PLPP4: variants seen among roughly 807,000 people sequenced by gnomAD.
The protein encoded by PLPP4 is diacylglycerol pyrophosphate like 2.
Under a neutral mutation model 32.2 loss-of-function variants are expected in PLPP4, and 20 were observed. The ratio of observed to expected loss-of-function variants is 0.62; its 90% CI spans 0.44 to 0.90. The LOEUF (loss-of-function observed/expected upper bound fraction) is 0.90, where lower values mean the gene tolerates loss of function less well. PLPP4 is among the 40% of genes least tolerant of loss of function. The probability of loss-of-function intolerance (pLI) is 0.00; values close to 1 mark genes in which losing one functional copy is unlikely to be tolerated. For missense variants in PLPP4, 257 were observed against 353.1 expected (o/e 0.73, Z 2.18); for synonymous variants, 127 against 133.0 (o/e 0.95, Z 0.31).
intron 1 of PLPP4, among the ~76,000 whole-genome samples, chr10:120,493,021 A>G (rs1057237470): frequency 1.4e-4 from 21 of 152,194 alleles, no homozygotes; most frequent in African/African-American, 5.1e-4. Flanking sequence ...TCTTCTACAT[A>G]TCCATGTCAT....
At chr10:120,457,464 G>A (rs1589695064) in intron 1 of PLPP4, 103 bp downstream of exon 1, 15 of 1,068,238 alleles carry the variant, frequency 1.4e-5, no homozygotes, top group African/African-American at 3.2e-5. Context: ...TCCCACTGGG[G>A]CCTGGGTTCG....
At chr10:120,495,794 G>A (rs547421231) in intron 1 of PLPP4, among the ~76,000 whole-genome samples, 1 of 152,256 alleles carries the variant, frequency 6.6e-6, no homozygotes, top group East Asian at 1.9e-4. Flanking sequence ...TAAAGAAGGT[G>A]GGGCAGCCTT....
At chr10:120,560,910 G>A (rs915761682) in intron 5 of PLPP4, among the ~76,000 whole-genome samples, 6 of 152,164 alleles carry the variant, frequency 3.9e-5, no homozygotes, top group Non-Finnish European at 7.3e-5. Context: ...ATTTTGGGGG[G>A]AGTCGAAAGT....
chr10:120,535,143 A>C (rs1846954983), intron 5 of PLPP4, among the ~76,000 whole-genome samples: 1 of 152,146 alleles, frequency 6.6e-6, no homozygotes, highest in Non-Finnish European at 1.5e-5. Context: ...ATTTTAGCGA[A>C]GTCTATTTTC....
intron 5 of PLPP4, among the ~76,000 whole-genome samples, chr10:120,547,465 A>G (rs940721425): frequency 6.6e-6 from 1 of 152,174 alleles, no homozygotes; most frequent in African/African-American, 2.4e-5. Flanking sequence ...TTTGGAGGAG[A>G]AACCCAGTAG....
intron 5 of PLPP4, among the ~76,000 whole-genome samples, chr10:120,557,029 A>G (rs1000462605): frequency 9.2e-5 from 14 of 152,034 alleles, no homozygotes; most frequent in African/African-American, 3.1e-4. Flanking sequence ...TTTCATTCTA[A>G]TGTTTGTGGG....
At position 120,579,389 on chromosome 10, in the gene PLPP4, T is replaced by C. The variant is rs145512063; in HGVS notation, c.616+4088T>C. Among the ~76,000 whole-genome samples the C allele has an allele frequency of 3.3e-4, 50 of 152,236 alleles. No homozygotes were observed. In the East Asian group the frequency reaches 8.7e-3, roughly 27 times the overall value. On this transcript the variant is annotated intron_variant, in intron 6 of 6. Coordinates refer to ENST00000398250, the MANE Select transcript of PLPP4 (RefSeq NM_001030059.3). ...GCGTCTCGGTCATTCACAGACACAGTTGTCTAACCGGGCTGAAGTTTTCAA... is the reference window on the plus strand; with the variant it reads ...GCGTCTCGGTCATTCACAGACACAGCTGTCTAACCGGGCTGAAGTTTTCAA...
At chr10:120,543,423 C>G (rs1196487038) in intron 5 of PLPP4, among the ~76,000 whole-genome samples, 1 of 152,066 alleles carries the variant, frequency 6.6e-6, no homozygotes, top group Non-Finnish European at 1.5e-5. Context: ...TTGTGAAGCC[C>G]TTGGTGCTCA....
intron 6 of PLPP4, 75 bp from the exon 7 acceptor site, chr10:120,589,228 C>G (rs1849904539): frequency 1.4e-6 from 2 of 1,457,860 alleles, no homozygotes; most frequent in Admixed American, 3.4e-5. Context: ...AGGAAAAGTG[C>G]TTTCTGGAAA....
intron 5 of PLPP4, among the ~76,000 whole-genome samples, chr10:120,544,846 G>GC (rs1247957757): frequency 1.1e-4 from 16 of 152,246 alleles, no homozygotes; most frequent in African/African-American, 3.6e-4. Flanking sequence ...GCCCATCTGA[G>GC]CAGAGCCAGG....
chr10:120,470,738 A>G (rs1162729586), intron 1 of PLPP4, among the ~76,000 whole-genome samples: 2 of 151,828 alleles, frequency 1.3e-5, no homozygotes, highest in African/African-American at 4.8e-5. Flanking sequence ...GTAATTTCAT[A>G]GTATTTTTAG....
At chr10:120,522,197 TATTTTA>T (rs1197559889) in intron 5 of PLPP4, among the ~76,000 whole-genome samples, 2 of 152,228 alleles carry the variant, frequency 1.3e-5, no homozygotes, top group Non-Finnish European at 2.9e-5. Context: ...GCAAGCCTGC[TATTTTA>T]GTTTCTTTTT....
chr10:120,522,437 G>A (rs769290308), intron 5 of PLPP4, among the ~76,000 whole-genome samples: 5 of 152,172 alleles, frequency 3.3e-5, no homozygotes, highest in Non-Finnish European at 7.3e-5. Flanking sequence ...AGGGCACTGA[G>A]GATCAGGCAG....
Position 120,504,390 on chromosome 10 carries a change from G to A in PLPP4, c.165+464G>A, listed in dbSNP as rs571658076. On this transcript the variant is annotated intron_variant, in intron 2 of 6. Coordinates refer to ENST00000398250, the MANE Select transcript of PLPP4 (RefSeq NM_001030059.3). ...CTGAAAACTTTCTTAAATAGGTAAA[G>A]GCAAGGGAGAACAAAGGAAAAGAGG... Among the ~76,000 whole-genome samples the A allele has an allele frequency of 2.7e-4, 41 of 152,326 alleles. 1 individual carries two copies. The South Asian group carries it at 6.4e-3, about 24-fold the overall frequency.
chr10:120,483,705 C>A (rs1844315286), intron 1 of PLPP4, among the ~76,000 whole-genome samples: 1 of 152,168 alleles, frequency 6.6e-6, no homozygotes, highest in African/African-American at 2.4e-5. Context: ...CAGTGCCCTC[C>A]TTGGGGATGG....
intron 5 of PLPP4, among the ~76,000 whole-genome samples, chr10:120,523,295 C>T (rs185134349): frequency 6.6e-6 from 1 of 151,522 alleles, no homozygotes; most frequent in Non-Finnish European, 1.5e-5. Context: ...AGTGAGACTC[C>T]ATCTCAAGAA....
intron 6 of PLPP4, chr10:120,581,449 A>C (rs1454724812): frequency 6.8e-6 from 2 of 296,170 alleles, no homozygotes; most frequent in East Asian, 3.4e-4. Context: ...CTGCGTTAGC[A>C]CATGTCACTT....
chr10:120,539,054 C>T (rs1847208412), intron 5 of PLPP4, among the ~76,000 whole-genome samples: 2 of 152,172 alleles, frequency 1.3e-5, no homozygotes, highest in Non-Finnish European at 1.5e-5. Flanking sequence ...GTATTTCCCA[C>T]GTGCTGTCAG....
chr10:120,550,139 A>G (rs972513726), intron 5 of PLPP4, among the ~76,000 whole-genome samples: 1 of 152,048 alleles, frequency 6.6e-6, no homozygotes, highest in South Asian at 2.1e-4. Flanking sequence ...TACAAGGTCA[A>G]TATAGAAAAT....
Sources: gnomAD v4.1 joint callset for allele counts (sites outside exome capture counted in the v4.1 genomes callset) on GRCh38, gnomAD v4.1.1 for gene constraint, MANE v1.5 for transcripts, NCBI Gene and HGNC (gene_info 2026-07-23, HGNC 2026-07-21) for gene names.